Variants in MGRN1 observed in about 807,000 individuals in gnomAD.
MGRN1 encodes mahogunin ring finger 1.
MGRN1 carries 29 observed loss-of-function variants against 69.2 expected under a neutral mutation model. The ratio of observed to expected loss-of-function variants is 0.42; its 90% confidence interval spans 0.31 to 0.57. MGRN1 has a LOEUF of 0.57. Ranked by LOEUF, MGRN1 falls within the 20% of genes least tolerant of loss-of-function variation. The pLI is 0.15. For synonymous variants in MGRN1, 470 were observed against 344.2 expected, an observed-to-expected ratio of 1.37 and a Z score of -4.04; for missense variants, 998 against 796.2, an observed-to-expected ratio of 1.25 and a Z score of -3.05.
chr16:4,672,333 C>T, intron 9 of MGRN1: 2 of 456,686 alleles, frequency 4.4e-6, no homozygotes, highest in Non-Finnish European at 8.8e-6. Context: ...AGGCCTGAGA[C>T]CACCACGCCT....
intron 7 of MGRN1, among the ~76,000 whole-genome samples, chr16:4,666,787 C>T (rs1369694808): frequency 6.6e-6 from 1 of 152,226 alleles, no homozygotes; most frequent in Non-Finnish European, 1.5e-5. Context: ...TCAGGACAAA[C>T]ATCTGTTGTT....
At chr16:4,669,021 TACAC>T (rs950188617) in intron 8 of MGRN1, 1 of 149,942 alleles carries the variant, frequency 6.7e-6, no homozygotes, top group African/African-American at 2.4e-5. Context: ...CACACACACA[TACAC>T]ATATGTACAG....
intron 10 of MGRN1, among the ~76,000 whole-genome samples, chr16:4,674,859 C>G (rs1467312357): frequency 6.6e-6 from 1 of 150,734 alleles, no homozygotes; most frequent in African/African-American, 2.4e-5. Context: ...CCAGGATGGT[C>G]TCGATCTCCT....
rs1233509306 is a variant in MGRN1, at chr16:4,688,917, C to G, written c.*9C>G. 3.3e-6 allele frequency: 5 copies of G among 1,535,678 alleles called. No homozygotes were observed. The highest frequency in any genetic ancestry group is 4.4e-6 in the Non-Finnish European group (5 of 1,135,946). ...AGCTGACCCCACTCTGAGAGCCTGG[C>G]CGAGCTGGCAGCATGGAGCCCTCGG... On this transcript the variant is annotated 3_prime_UTR_variant, in exon 17 of 17. Transcript: ENST00000262370.
At chr16:4,647,683 G>A (rs752643696) in intron 1 of MGRN1, among the ~76,000 whole-genome samples, 7 of 152,164 alleles carry the variant, frequency 4.6e-5, no homozygotes, top group East Asian at 3.8e-4. Flanking sequence ...TCTGTGACTC[G>A]CTCCACATCG....
At chr16:4,677,840 T>C (rs2079087401) in intron 11 of MGRN1, among the ~76,000 whole-genome samples, 1 of 115,884 alleles carries the variant, frequency 8.6e-6, no homozygotes, top group South Asian at 2.7e-4. Context: ...CAGGTGCTTT[T>C]TTTTTTTTTT....
intron 1 of MGRN1, among the ~76,000 whole-genome samples, chr16:4,627,055 C>G (rs570003522): frequency 3.7e-4 from 56 of 152,330 alleles, no homozygotes; most frequent in African/African-American, 1.3e-3. Flanking sequence ...CTCCCCGCCT[C>G]TCCTGTCTCC....
rs1054305461 is a variant in MGRN1 at position 4,689,520 on chromosome 16, C to T, written c.*612C>T. ...GGCCTTGGGGTGCATGGGTGCCGCC[C>T]TGGGCAGCTAGAGTGTCTCAGCCCG... On this transcript the variant is annotated 3_prime_UTR_variant, in exon 17 of 17. Transcript: ENST00000262370. 2.0e-5 allele frequency: 3 copies of T among 152,626 alleles called. No individual in the cohort carries two copies. The highest frequency in any genetic ancestry group is 7.2e-5 in the African/African-American group (3 of 41,470). 9.5% of individuals were successfully genotyped at this position (152,626 alleles called of 1,614,324 possible).
At chr16:4,665,023 C>A in intron 6 of MGRN1, 79 bp from the exon 7 acceptor site, 1 of 1,532,308 alleles carries the variant, frequency 6.5e-7, no homozygotes. Context: ...GTGCCGCAGG[C>A]CTACCAGGGT....
chr16:4,635,941 C>T (rs1404046252), intron 1 of MGRN1, among the ~76,000 whole-genome samples: 2 of 150,656 alleles, frequency 1.3e-5, no homozygotes, highest in African/African-American at 2.5e-5. Context: ...CTACCGTGCC[C>T]GGCCTCAGCT....
At chr16:4,687,970 G>T in intron 16 of MGRN1, 1 of 985,654 alleles carries the variant, frequency 1.0e-6, no homozygotes, top group South Asian at 4.7e-5. Flanking sequence ...GCGCATCGGT[G>T]GAAGGTGCCG....
intron 1 of MGRN1, among the ~76,000 whole-genome samples, chr16:4,644,804 A>G (rs117340071): frequency 0.014 from 2,113 of 152,232 alleles, 21 homozygotes; most frequent in Non-Finnish European, 0.021. Context: ...TTCACTTACC[A>G]TGGGGACACC....
intron 1 of MGRN1, among the ~76,000 whole-genome samples, chr16:4,636,893 G>A (rs1898321899): frequency 6.6e-6 from 1 of 151,828 alleles, no homozygotes; most frequent in South Asian, 2.1e-4. Context: ...GCCGAGACGG[G>A]CAGATCACAA....
chr16:4,683,182 C>A (rs527979736), intron 14 of MGRN1, 42 bp from the exon 15 acceptor site: 11 of 1,609,360 alleles, frequency 6.8e-6, no homozygotes, highest in Non-Finnish European at 9.3e-6. Flanking sequence ...GCGGTGGCCG[C>A]GGCTCTCTGA....
intron 1 of MGRN1, among the ~76,000 whole-genome samples, chr16:4,628,046 C>G (rs1487786072): frequency 6.9e-6 from 1 of 145,012 alleles, no homozygotes; most frequent in African/African-American, 2.6e-5. Context: ...CGCCACTGCA[C>G]TCCAGCCTAG....
In MGRN1 at chr16:4,641,741, A is replaced by G. The variant is rs566839795; in HGVS notation, c.89-8624A>G. ...TCCATGTTGGTCAGGCTGGTCTCGAACTCCCAACCTCAGGTGATTCGCCTG... is the reference window on the plus strand; with the variant it reads ...TCCATGTTGGTCAGGCTGGTCTCGAGCTCCCAACCTCAGGTGATTCGCCTG... On this transcript the variant is annotated intron_variant, in intron 1 of 16. Coordinates refer to ENST00000262370, the MANE Select transcript of MGRN1 (RefSeq NM_015246.4). Among the ~76,000 whole-genome samples the G allele has an allele frequency of 1.4e-4, 21 of 151,480 alleles. No homozygotes were observed. In the East Asian group the frequency reaches 3.7e-3, roughly 27 times the overall value.
At chr16:4,645,739 C>T (rs988770537) in intron 1 of MGRN1, among the ~76,000 whole-genome samples, 3 of 152,170 alleles carry the variant, frequency 2.0e-5, no homozygotes, top group South Asian at 2.1e-4. Context: ...GTGAGTGGGC[C>T]GGGGCTGGCA....
At chr16:4,673,423 C>G in intron 9 of MGRN1, 75 bp from the exon 10 acceptor site, 1 of 1,552,588 alleles carries the variant, frequency 6.4e-7, no homozygotes, top group Non-Finnish European at 8.7e-7. Flanking sequence ...TGGGGTGGGA[C>G]AGCTGGGGAC....
In MGRN1 at chr16:4,657,289, T is replaced by C. The variant is rs755510350; in HGVS notation, c.487T>C (p.Tyr163His). ...SPSLQSETVH[Y>H]KRGVSQQFSL... ...CTCGCTACAGTCCGAGACCGTCCAC[T>C]ACAAGAGAGGGGTGAGCCAGCAGTT... The change falls in exon 5 of 17, where the codon TAC becomes CAC. Residue 163 changes from tyrosine (Y) to histidine (H), a missense_variant. Physicochemically the swap from Tyr to His is moderately conservative, Grantham distance 83 (BLOSUM62 2). Coordinates refer to ENST00000262370, the MANE Select transcript of MGRN1 (RefSeq NM_015246.4). The C allele has an allele frequency of 1.9e-6, 3 of 1,614,030 alleles. No homozygotes were observed. Among genetic ancestry groups the C allele is most frequent in the African/African-American group, 2.7e-5 (2 of 74,924 alleles).
Sources: gnomAD v4.1 joint callset for allele counts (sites outside exome capture counted in the v4.1 genomes callset) on GRCh38, gnomAD v4.1.1 for gene constraint, MANE v1.5 for transcripts, NCBI Gene and HGNC (gene_info 2026-07-23, HGNC 2026-07-21) for gene names.